THSD7B: variants seen among roughly 807,000 people sequenced by gnomAD.
The protein encoded by THSD7B is thrombospondin type-1 domain-containing protein 7B.
A neutral mutation model predicts 213.6 loss-of-function variants in THSD7B; 138 were observed. The ratio of observed to expected loss-of-function variants is 0.65; its 90% CI spans 0.56 to 0.74. The LOEUF (loss-of-function observed/expected upper bound fraction) is 0.74. Among genes scored for constraint, THSD7B ranks in the 30% least tolerant of loss-of-function variants. THSD7B has a pLI of 0.00. For missense variants in THSD7B, 1,931 were observed against 1,991.5 expected, an observed-to-expected ratio of 0.97 and a Z score of 0.58; for synonymous variants, 742 against 687.0, an observed-to-expected ratio of 1.08 and a Z score of -1.25.
intron 12 of THSD7B, among the ~76,000 whole-genome samples, chr2:137,334,880 C>G (rs1684603172): frequency 6.6e-6 from 1 of 152,118 alleles, no homozygotes; most frequent in African/African-American, 2.4e-5. Context: ...TTCCCCCATG[C>G]TGTTCTCATG....
At chr2:137,298,665 C>T (rs1445974009) in intron 12 of THSD7B, among the ~76,000 whole-genome samples, 1 of 152,164 alleles carries the variant, frequency 6.6e-6, no homozygotes, top group African/African-American at 2.4e-5. Context: ...GTGTCCCAGC[C>T]ACTCCAGTCA....
At chr2:137,165,705 C>T (rs1360096614) in intron 6 of THSD7B, among the ~76,000 whole-genome samples, 3 of 151,948 alleles carry the variant, frequency 2.0e-5, no homozygotes, top group Admixed American at 2.0e-4. Context: ...GCAGTGATTC[C>T]ACTAGCAGAA....
At chr2:137,551,355 A>C (rs192031692) in intron 15 of THSD7B, among the ~76,000 whole-genome samples, 7 of 152,164 alleles carry the variant, frequency 4.6e-5, no homozygotes, top group African/African-American at 1.2e-4. Context: ...CAAGTTCAGC[A>C]GTGCCTTCAA....
At position 137,119,035 on chromosome 2, in the gene THSD7B, C is replaced by T. The variant is rs147380580; in HGVS notation, c.1369+3742C>T. Among the ~76,000 whole-genome samples the T allele has an allele frequency of 7.9e-5, 12 of 152,246 alleles. No individual in the cohort carries two copies. In the East Asian group the frequency reaches 2.3e-3, roughly 29 times the overall value. On this transcript the variant is annotated intron_variant, in intron 5 of 27. Coordinates refer to ENST00000409968, the MANE Select transcript of THSD7B (RefSeq NM_001316349.2). ...CAATTATCTCCCACTGGGTCCATCCCACATCTTGTGGGAATTATGGGAGGT... is the reference window on the plus strand; with the variant it reads ...CAATTATCTCCCACTGGGTCCATCCTACATCTTGTGGGAATTATGGGAGGT...
chr2:137,519,822 A>ATG (rs1680145775), intron 15 of THSD7B, among the ~76,000 whole-genome samples: 2 of 152,220 alleles, frequency 1.3e-5, no homozygotes, highest in Admixed American at 1.3e-4. Flanking sequence ...TCTTCTTAGA[A>ATG]TTCATTGATA....
chr2:137,585,485 T>A (rs60009815), intron 17 of THSD7B, among the ~76,000 whole-genome samples: 33,057 of 151,894 alleles, frequency 0.22, 3,763 homozygotes, highest in Middle Eastern at 0.32. Flanking sequence ...TAGTGCTATA[T>A]ATTTCCCTCT....
At chr2:137,662,094 C>T (rs536247117) in intron 25 of THSD7B, among the ~76,000 whole-genome samples, 1 of 141,106 alleles carries the variant, frequency 7.1e-6, no homozygotes, top group Non-Finnish European at 1.5e-5. Context: ...TGGAGTCTTG[C>T]TCAGTCCACC....
rs183242695 is a variant in THSD7B at position 137,114,860 on chromosome 2, G to A, written c.1200-264G>A. Reference sequence around the variant, plus strand: ...CTCACTCTCTTCCAGCTTCAAGGCTGAGACACACTCACTGTTTATCCATAT... The same window carrying A: ...CTCACTCTCTTCCAGCTTCAAGGCTAAGACACACTCACTGTTTATCCATAT... On this transcript the variant is annotated intron_variant, in intron 4 of 27. Coordinates refer to ENST00000409968, the MANE Select transcript of THSD7B (RefSeq NM_001316349.2). Among the ~76,000 whole-genome samples the A allele has an allele frequency of 1.4e-3, 210 of 152,060 alleles. 1 individual carries two copies. The highest frequency in any genetic ancestry group is 4.8e-3 in the African/African-American group (201 of 41,484).
At chr2:137,270,162 G>A (rs887853482) in intron 10 of THSD7B, among the ~76,000 whole-genome samples, 3 of 92,092 alleles carry the variant, frequency 3.3e-5, no homozygotes, top group African/African-American at 1.3e-4. Context: ...GACAGTGTGA[G>A]GCAATACAGA....
At chr2:137,666,551 A>C (rs1282742483) in intron 26 of THSD7B, among the ~76,000 whole-genome samples, 2 of 142,010 alleles carry the variant, frequency 1.4e-5, no homozygotes, top group African/African-American at 5.0e-5. Context: ...CCCCCCATAG[A>C]AGCTTTTCAA....
chr2:137,238,534 CTTTTTTTTTTTTTTTTTTT>C (rs869146863), intron 9 of THSD7B, among the ~76,000 whole-genome samples: 1 of 51,846 alleles, frequency 1.9e-5, no homozygotes, highest in Non-Finnish European at 3.5e-5. Context: ...ACTCATCTTT[CTTTTTTTTTTTTTTTTTTT>C]TTTTTTTTTT....
rs925016760 is a variant in THSD7B at position 137,412,011 on chromosome 2, A to C, written c.2959+139A>C. 12 of 988,212 alleles carry C rather than the reference A, an allele frequency of 1.2e-5. No individual in the cohort carries two copies. The African/African-American group carries it at 1.5e-4, about 12-fold the overall frequency. The allele number at this position is 988,212 out of a possible 1,614,324, so 61.2% of individuals were successfully genotyped here. On this transcript the variant is annotated intron_variant, in intron 14 of 27. Coordinates refer to ENST00000409968, the MANE Select transcript of THSD7B (RefSeq NM_001316349.2). ...TGTCAATAACACATTGTCTCTCATA[A>C]AATATGGACAGATGAAATGCATACA...
Position 137,170,910 on chromosome 2 carries a change from T to C in THSD7B, c.1695T>C (p.Ile565=). ...GAAAATGTGGCCTGGGACATCGTAT[T>C]CTGAAGGCCGTCTGCCAGAATGACC... ...DHGKCGLGHR[I]LKAVCQNDRG... is the part of the protein sequence containing the mutation. Residue 565 remains isoleucine, a synonymous_variant, in exon 7 of 28, where the codon ATT becomes ATC. Transcript: ENST00000409968. 6.2e-7 allele frequency: 1 copy of C among 1,612,946 alleles called. No individual in the cohort carries two copies. The highest frequency in any genetic ancestry group is 8.5e-7 in the Non-Finnish European group (1 of 1,179,712).
chr2:137,174,400 A>G (rs186272676), intron 7 of THSD7B, among the ~76,000 whole-genome samples: 28 of 152,306 alleles, frequency 1.8e-4, no homozygotes, highest in Admixed American at 6.5e-4. Context: ...TTAGCTTACA[A>G]ACTTCAAAAA....
intron 1 of THSD7B, among the ~76,000 whole-genome samples, chr2:136,837,740 C>T (rs1558821732): frequency 6.6e-6 from 1 of 152,172 alleles, no homozygotes; most frequent in Non-Finnish European, 1.5e-5. Flanking sequence ...GATGGAATTA[C>T]ATTCATCTTT....
At chr2:137,538,681 C>T (rs1240237470) in intron 15 of THSD7B, among the ~76,000 whole-genome samples, 1 of 151,590 alleles carries the variant, frequency 6.6e-6, no homozygotes, top group Non-Finnish European at 1.5e-5. Context: ...GAATGAATTC[C>T]TTTATTTCAG....
intron 2 of THSD7B, among the ~76,000 whole-genome samples, chr2:136,945,984 G>A (rs533568485): frequency 3.5e-4 from 53 of 152,196 alleles, no homozygotes; most frequent in African/African-American, 1.0e-3. Flanking sequence ...GTCATTCTCC[G>A]TCCAGCTTTG....
intron 1 of THSD7B, among the ~76,000 whole-genome samples, chr2:136,779,196 ATATGTGTG>A (rs201379281): frequency 0.088 from 11,821 of 134,116 alleles, 1,247 homozygotes; most frequent in African/African-American, 0.28. Flanking sequence ...CTATATATAT[ATATGTGTG>A]TGTGTGTGTG....
intron 2 of THSD7B, among the ~76,000 whole-genome samples, chr2:136,991,703 T>A (rs567711874): frequency 2.0e-5 from 3 of 152,332 alleles, no homozygotes; most frequent in Admixed American, 6.5e-5. Context: ...GAATTAAGGA[T>A]TCTTGTTGGC....
Sources: gnomAD v4.1 joint callset for allele counts (sites outside exome capture counted in the v4.1 genomes callset) on GRCh38, gnomAD v4.1.1 for gene constraint, MANE v1.5 for transcripts, NCBI Gene and HGNC (gene_info 2026-07-23, HGNC 2026-07-21) for gene names.